Variants in TEAD1 observed in about 807,000 individuals in gnomAD.
The protein encoded by TEAD1 is transcriptional enhancer factor TEF-1.
In TEAD1, 9 loss-of-function variants were observed where a neutral mutation model predicts 54.9. The ratio of observed to expected loss-of-function variants is 0.16; its 90% CI spans 0.10 to 0.29. TEAD1 has a LOEUF of 0.29. TEAD1 is among the 10% of genes least tolerant of loss of function. The pLI is 1.00. For synonymous variants in TEAD1, 200 were observed against 187.8 expected, an observed-to-expected ratio of 1.07 and a Z score of -0.53; for missense variants, 387 against 535.9, an observed-to-expected ratio of 0.72 and a Z score of 2.74.
chr11:12,812,322 C>T (rs1440032690), intron 3 of TEAD1, among the ~76,000 whole-genome samples: 1 of 152,064 alleles, frequency 6.6e-6, no homozygotes, highest in East Asian at 1.9e-4. Flanking sequence ...TGGAAGAGTA[C>T]ATCATAGCAT....
chr11:12,748,144 T>C (rs1944787168), intron 2 of TEAD1, among the ~76,000 whole-genome samples: 1 of 152,096 alleles, frequency 6.6e-6, no homozygotes, highest in Non-Finnish European at 1.5e-5. Context: ...GTATTCTTAG[T>C]AGTGATGAGG....
At chr11:12,821,961 C>CTTT (rs10700151) in intron 3 of TEAD1, among the ~76,000 whole-genome samples, 928 of 68,022 alleles carry the variant, frequency 0.014, 174 homozygotes, top group African/African-American at 0.043. Context: ...TTCTCTTTTC[C>CTTT]TTTTTTTTTT....
intron 2 of TEAD1, among the ~76,000 whole-genome samples, chr11:12,704,505 T>G (rs1943771711): frequency 6.6e-6 from 1 of 152,256 alleles, no homozygotes. Flanking sequence ...GTCCAGCTCT[T>G]GCTTCTTTCT....
At chr11:12,894,476 G>A (rs1364987625) in intron 9 of TEAD1, among the ~76,000 whole-genome samples, 1 of 152,150 alleles carries the variant, frequency 6.6e-6, no homozygotes, top group Non-Finnish European at 1.5e-5. Context: ...AAGTTGTACT[G>A]TTGTGGTTTG....
chr11:12,809,583 T>C (rs966418853), intron 3 of TEAD1, among the ~76,000 whole-genome samples: 3 of 151,798 alleles, frequency 2.0e-5, no homozygotes, highest in African/African-American at 7.2e-5. Context: ...CTCTCCACCC[T>C]TGAGACTCAG....
At chr11:12,833,636 G>A (rs562375275) in intron 3 of TEAD1, among the ~76,000 whole-genome samples, 5 of 151,764 alleles carry the variant, frequency 3.3e-5, no homozygotes, top group East Asian at 3.9e-4. Flanking sequence ...AAAAAAAAAA[G>A]CGTTGGTTCC....
intron 2 of TEAD1, among the ~76,000 whole-genome samples, chr11:12,675,964 C>T (rs1045784563): frequency 3.3e-5 from 5 of 152,216 alleles, no homozygotes; most frequent in African/African-American, 1.2e-4. Context: ...GGCTTGTTAA[C>T]TTCTTAGAAG....
intron 12 of TEAD1, among the ~76,000 whole-genome samples, chr11:12,932,937 A>G (rs1949035300): frequency 6.6e-6 from 1 of 151,908 alleles, no homozygotes; most frequent in Admixed American, 6.6e-5. Context: ...TTTAGATACA[A>G]AAAATACTTA....
chr11:12,678,054 T>G (rs1235955727), intron 2 of TEAD1, among the ~76,000 whole-genome samples: 2 of 152,220 alleles, frequency 1.3e-5, no homozygotes, highest in East Asian at 3.8e-4. Context: ...TAGGCACTTG[T>G]ACCCAGTAGA....
At chr11:12,809,066 C>T (rs748894516) in intron 3 of TEAD1, among the ~76,000 whole-genome samples, 7 of 152,206 alleles carry the variant, frequency 4.6e-5, no homozygotes, top group East Asian at 1.9e-4. Context: ...AACGTTCTTA[C>T]TGAATATGGC....
intron 10 of TEAD1, among the ~76,000 whole-genome samples, chr11:12,920,415 C>G (rs1179891142): frequency 6.6e-6 from 1 of 152,154 alleles, no homozygotes; most frequent in African/African-American, 2.4e-5. Context: ...TCTATTTACT[C>G]TCCCAGTGAC....
chr11:12,721,499 G>C (rs1337347735), intron 2 of TEAD1, among the ~76,000 whole-genome samples: 1 of 152,206 alleles, frequency 6.6e-6, no homozygotes, highest in African/African-American at 2.4e-5. Flanking sequence ...GAGGAGAGAA[G>C]GGGCAGGTTA....
chr11:12,695,472 T>C (rs1004356096), intron 2 of TEAD1, among the ~76,000 whole-genome samples: 1 of 152,230 alleles, frequency 6.6e-6, no homozygotes, highest in Non-Finnish European at 1.5e-5. Context: ...TTCATGTAGA[T>C]TTCAGGCTGG....
chr11:12,676,104 C>T (rs1419415004), intron 2 of TEAD1, among the ~76,000 whole-genome samples: 3 of 152,158 alleles, frequency 2.0e-5, no homozygotes, highest in Non-Finnish European at 4.4e-5. Flanking sequence ...TTGGAAGGAG[C>T]CCAGGTCTTG....
intron 3 of TEAD1, among the ~76,000 whole-genome samples, chr11:12,825,707 A>G (rs1278081827): frequency 6.6e-6 from 1 of 151,122 alleles, no homozygotes; most frequent in Non-Finnish European, 1.5e-5. Flanking sequence ...AACAATTCGG[A>G]AAGGGAAGAA....
At chr11:12,729,387 G>A (rs1019506157) in intron 2 of TEAD1, among the ~76,000 whole-genome samples, 7 of 152,176 alleles carry the variant, frequency 4.6e-5, no homozygotes, top group African/African-American at 9.7e-5. Flanking sequence ...CTAAGAATCT[G>A]CATTTCTAAG....
chr11:12,848,573 G>T (rs993755380), intron 3 of TEAD1, among the ~76,000 whole-genome samples: 1 of 152,144 alleles, frequency 6.6e-6, no homozygotes, highest in South Asian at 2.1e-4. Flanking sequence ...TAACTTCTTT[G>T]AACTGCAGTT....
At chr11:12,682,875 T>C (rs909190624) in intron 2 of TEAD1, among the ~76,000 whole-genome samples, 2 of 152,206 alleles carry the variant, frequency 1.3e-5, no homozygotes, top group Admixed American at 1.3e-4. Flanking sequence ...AGTTCCAAGG[T>C]AACACATTTT....
chr11:12,876,786 G>T (rs964718055), intron 5 of TEAD1, among the ~76,000 whole-genome samples: 2 of 152,170 alleles, frequency 1.3e-5, no homozygotes, highest in Non-Finnish European at 2.9e-5. Context: ...TGGTCTAAGA[G>T]AAACCAATGG....
Sources: gnomAD v4.1 joint callset for allele counts (sites outside exome capture counted in the v4.1 genomes callset) on GRCh38, gnomAD v4.1.1 for gene constraint, MANE v1.5 for transcripts, NCBI Gene and HGNC (gene_info 2026-07-23, HGNC 2026-07-21) for gene names.